The following ANK3 variants were observed in gnomAD, a reference collection of about 807,000 sequenced individuals.
ANK3 encodes the protein ankyrin 3, also known as ankyrin-3.
ANK3 carries 57 observed loss-of-function variants against 370.9 expected under a neutral mutation model. That is an observed-to-expected ratio of 0.15 (90% CI 0.12 to 0.19). The LOEUF is 0.19. ANK3 is among the 10% of genes least tolerant of loss of function. The pLI, the probability that ANK3 is intolerant of heterozygous loss-of-function variation, is 1.00. For missense variants in ANK3, 4,439 were observed against 5,302.1 expected, an observed-to-expected ratio of 0.84 and a Z score of 5.06; for synonymous variants, 1,929 against 1,946.3, an observed-to-expected ratio of 0.99 and a Z score of 0.23.
At chr10:60,636,183 C>A (rs1014964708) in intron 1 of ANK3, among the ~76,000 whole-genome samples, 2 of 152,084 alleles carry the variant, frequency 1.3e-5, no homozygotes, top group African/African-American at 2.4e-5. Flanking sequence ...TAATAGGCAA[C>A]ACAAATTTAA....
intron 21 of ANK3, among the ~76,000 whole-genome samples, chr10:60,169,364 GTTTT>G (rs71015773): frequency 0.035 from 1,799 of 51,912 alleles, 48 homozygotes; most frequent in African/African-American, 0.13. Flanking sequence ...TTGTCTCATA[GTTTT>G]TTTTTTTTTT....
chr10:60,321,931 C>T (rs896704842), intron 1 of ANK3, among the ~76,000 whole-genome samples: 12 of 152,098 alleles, frequency 7.9e-5, no homozygotes, highest in African/African-American at 2.2e-4. Context: ...AGAACTCTTG[C>T]GGTGGGGGGT....
At chr10:60,450,940 T>C (rs2064585120) in intron 2 of ANK3, among the ~76,000 whole-genome samples, 1 of 152,178 alleles carries the variant, frequency 6.6e-6, no homozygotes, top group African/African-American at 2.4e-5. Flanking sequence ...AATGTGACTT[T>C]ATTTGGAATA....
At chr10:60,677,113 G>T (rs1324846039) in intron 1 of ANK3, among the ~76,000 whole-genome samples, 3 of 152,194 alleles carry the variant, frequency 2.0e-5, no homozygotes, top group Non-Finnish European at 2.9e-5. Flanking sequence ...TCCCAGAGCA[G>T]AGGGTGGCCA....
At position 60,601,173 on chromosome 10, in the gene ANK3, G is replaced by GCACA. The variant is rs55896952; in HGVS notation, c.96+14009_96+14012dup. Reference sequence around the variant, plus strand: ...CAAAGTCATTAAACATTTATACAACGCACACACACACACACACACACACAT... The same window carrying GCACA: ...CAAAGTCATTAAACATTTATACAACGCACACACACACACACACACACACACACAT... On this transcript the variant is annotated intron_variant, in intron 2 of 43. Transcript: ENST00000373827. Among the ~76,000 whole-genome samples, 845 of 147,652 alleles carry GCACA rather than the reference G, an allele frequency of 5.7e-3. 8 individuals are homozygous for GCACA. The highest frequency in any genetic ancestry group is 0.018 in the African/African-American group (702 of 40,038).
At chr10:60,265,411 G>A (rs956079898) in intron 5 of ANK3, among the ~76,000 whole-genome samples, 1 of 152,126 alleles carries the variant, frequency 6.6e-6, no homozygotes, top group Non-Finnish European at 1.5e-5. Flanking sequence ...CCTGGGACTT[G>A]ATAAAGGGGA....
chr10:60,124,800 A>T (rs2093673947), intron 25 of ANK3, among the ~76,000 whole-genome samples: 1 of 152,220 alleles, frequency 6.6e-6, no homozygotes, highest in South Asian at 2.1e-4. Flanking sequence ...ACCGCCTAAT[A>T]GCTGTGGACA....
intron 1 of ANK3, among the ~76,000 whole-genome samples, chr10:60,719,007 TCCTC>T (rs1171542533): frequency 6.6e-6 from 1 of 152,150 alleles, no homozygotes; most frequent in Non-Finnish European, 1.5e-5. Flanking sequence ...TAATAAATCT[TCCTC>T]CCCTCAAAAT....
At chr10:60,085,097 T>A in intron 31 of ANK3, 60 bp downstream of exon 31, 1 of 1,400,450 alleles carries the variant, frequency 7.1e-7, no homozygotes, top group Non-Finnish European at 9.8e-7. Flanking sequence ...CAATTTTTAC[T>A]TTCCAAAAGG....
chr10:60,611,698 T>A (rs916242071), intron 2 of ANK3, among the ~76,000 whole-genome samples: 1 of 151,772 alleles, frequency 6.6e-6, no homozygotes, highest in East Asian at 1.9e-4. Flanking sequence ...CTTTCCTTCA[T>A]CCTTTCTATT....
chr10:60,227,424 C>T (rs2097180184), intron 8 of ANK3, among the ~76,000 whole-genome samples: 1 of 151,570 alleles, frequency 6.6e-6, no homozygotes, highest in African/African-American at 2.4e-5. Context: ...TGTATTTATC[C>T]TCTTTGGGGT....
chr10:60,381,215 CTTT>C (rs199995211), intron 1 of ANK3, among the ~76,000 whole-genome samples: 4 of 151,118 alleles, frequency 2.6e-5, no homozygotes, highest in Non-Finnish European at 5.9e-5. Context: ...CCCAAGCAGT[CTTT>C]TTTTTTCCTT....
At chr10:60,226,512 T>A (rs1179163853) in intron 8 of ANK3, among the ~76,000 whole-genome samples, 1 of 51,444 alleles carries the variant, frequency 1.9e-5, no homozygotes, top group Non-Finnish European at 3.3e-5. Flanking sequence ...TATATATACA[T>A]AGTATATATA....
At chr10:60,287,943 T>C (rs1242138693) in intron 1 of ANK3, among the ~76,000 whole-genome samples, 1 of 152,222 alleles carries the variant, frequency 6.6e-6, no homozygotes, top group Non-Finnish European at 1.5e-5. Context: ...TCAAACGTTG[T>C]TGCTTTTAAA....
chr10:60,595,783 A>G (rs765226675), intron 2 of ANK3, among the ~76,000 whole-genome samples: 2 of 152,230 alleles, frequency 1.3e-5, no homozygotes, highest in Non-Finnish European at 2.9e-5. Flanking sequence ...CCAGGAATGA[A>G]CAAGGGTAGC....
chr10:60,302,489 C>T (rs888521103), intron 1 of ANK3, among the ~76,000 whole-genome samples: 3 of 152,034 alleles, frequency 2.0e-5, no homozygotes, highest in Non-Finnish European at 4.4e-5. Flanking sequence ...ATATTAATTT[C>T]TTTACATACA....
intron 2 of ANK3, among the ~76,000 whole-genome samples, chr10:60,426,862 T>C (rs972214317): frequency 3.9e-5 from 6 of 152,078 alleles, no homozygotes; most frequent in Non-Finnish European, 8.8e-5. Context: ...TATGAAAAAC[T>C]GTAGGCATTG....
chr10:60,513,865 G>T (rs1485832186), intron 2 of ANK3, among the ~76,000 whole-genome samples: 1 of 152,126 alleles, frequency 6.6e-6, no homozygotes, highest in African/African-American at 2.4e-5. Context: ...ACATGCGTTT[G>T]CACGGAGTGA....
At position 60,073,911 on chromosome 10, in the gene ANK3, G is replaced by C. The variant is rs760998812; in HGVS notation, c.6970C>G (p.Pro2324Ala). The C allele has an allele frequency of 5.6e-6, 9 of 1,613,880 alleles. No individual in the cohort carries two copies. Among genetic ancestry groups the C allele is most frequent in the Non-Finnish European group, 6.8e-6 (8 of 1,179,984 alleles). The change falls in exon 37 of 44, where the codon CCC becomes GCC. Residue 2324 changes from proline (P) to alanine (A), a missense_variant. Transcript: ENST00000280772. ...ACTTCTATTATACGCTCCAGTTTGG[G>C]TTTCATTTGGTTGTCCTTCTCTGCA... ...QHAEKDNQMK[P>A]KLERIIEVHI... is the part of the protein sequence containing the mutation.
Sources: allele counts gnomAD v4.1 joint callset (sites outside exome capture counted in the v4.1 genomes callset), GRCh38; gene constraint gnomAD v4.1.1; transcripts MANE v1.5; gene names NCBI Gene and HGNC (gene_info 2026-07-23, HGNC 2026-07-21).